ZZZ3: variants seen among roughly 807,000 people sequenced by gnomAD.
ZZZ3 encodes zinc finger ZZ-type containing 3.
A neutral mutation model predicts 95.2 loss-of-function variants in ZZZ3; 22 were observed. The ratio of observed to expected loss-of-function variants is 0.23; its 90% CI spans 0.17 to 0.33. The LOEUF (loss-of-function observed/expected upper bound fraction) is 0.33. ZZZ3 is among the 10% of genes least tolerant of loss of function. The probability of loss-of-function intolerance (pLI) is 1.00; values close to 1 mark genes in which losing one functional copy is unlikely to be tolerated. For synonymous variants in ZZZ3, 335 were observed against 358.9 expected (o/e 0.93, Z 0.75); for missense variants, 885 against 1,066.5 (o/e 0.83, Z 2.37).
rs558162602 is a variant in ZZZ3, at chr1:77,594,416, A to AT, written c.1506-9762dup. On this transcript the variant is annotated intron_variant, in intron 5 of 14. Coordinates refer to ENST00000370801, the MANE Select transcript of ZZZ3 (RefSeq NM_015534.6). ...ATGTCTTATTTTATTATATTGTGTG[A>AT]TTTTTTAAGAGGAAAGCCATTTTTC... is the stretch of plus-strand genomic sequence containing the variant. Among the ~76,000 whole-genome samples, 19 of 152,162 alleles carry AT rather than the reference A, an allele frequency of 1.2e-4. No homozygotes were observed. The South Asian group carries it at 2.9e-3, about 23-fold the overall frequency.
At chr1:77,654,931 A>G (rs1286106206) in intron 1 of ZZZ3, among the ~76,000 whole-genome samples, 1 of 152,104 alleles carries the variant, frequency 6.6e-6, no homozygotes, top group Non-Finnish European at 1.5e-5. Flanking sequence ...TTACAGGTAT[A>G]AGCCACCACA....
In ZZZ3 at chr1:77,632,987, A is replaced by C. The variant is rs776155902; in HGVS notation, c.368T>G (p.Leu123Arg). The C allele has an allele frequency of 6.2e-6, 10 of 1,613,986 alleles. No homozygotes were observed. In the Admixed American group the frequency reaches 1.7e-4, roughly 27 times the overall value. Residue 123 changes from leucine to arginine, a missense_variant, in exon 5 of 15, where the codon CTT becomes CGT. Physicochemically the swap from Leu to Arg is moderately radical, Grantham distance 102. Around this residue, in one of 5 missense-constraint regions of ZZZ3, gnomAD observed 556 missense variants for 652.9 expected, o/e 0.85. Coordinates refer to ENST00000370801, the MANE Select transcript of ZZZ3 (RefSeq NM_015534.6). ...TGAACTGTTTGGTGCTTCAGATCTA[A>C]GACAACGCTTAATTCTTTTTAAAAC... ...SPVLKRIKRC[L>R]RSEAPNSSEE...
intron 1 of ZZZ3, among the ~76,000 whole-genome samples, chr1:77,668,482 A>G (rs1671445985): frequency 6.6e-6 from 1 of 152,158 alleles, no homozygotes; most frequent in East Asian, 1.9e-4. Context: ...CTGAGCATCT[A>G]TTTTATATCA....
At chr1:77,656,158 A>G (rs1336673501) in intron 1 of ZZZ3, among the ~76,000 whole-genome samples, 2 of 152,228 alleles carry the variant, frequency 1.3e-5, no homozygotes, top group African/African-American at 4.8e-5. Flanking sequence ...TCACAACAAT[A>G]TATTTTATAG....
At chr1:77,671,217 T>C (rs1318427797) in intron 1 of ZZZ3, among the ~76,000 whole-genome samples, 1 of 152,194 alleles carries the variant, frequency 6.6e-6, no homozygotes, top group Non-Finnish European at 1.5e-5. Context: ...CATGGTTTAC[T>C]GTAACAACAG....
chr1:77,632,850 G>A lies in ZZZ3; in HGVS notation c.505C>T (p.Leu169=). The change falls in exon 5 of 15, where the codon CTG becomes TTG. Residue 169 remains leucine, a synonymous_variant. Transcript: ENST00000370801. The part of the protein sequence containing the change: ...GTKRACRCLI[L]DDCEKREIKK... Reference sequence around the variant, plus strand: ...ATTTCCCTTTTCTCACAATCATCCAGTATAAGACATCGACAAGCTCGTTTA... The same window carrying A: ...ATTTCCCTTTTCTCACAATCATCCAATATAAGACATCGACAAGCTCGTTTA... 1 of 1,614,136 alleles carries A rather than the reference G, an allele frequency of 6.2e-7. No homozygotes were observed. The highest frequency in any genetic ancestry group is 8.5e-7 in the Non-Finnish European group (1 of 1,180,024).
chr1:77,606,336 G>A (rs1665231436), intron 5 of ZZZ3, among the ~76,000 whole-genome samples: 1 of 152,150 alleles, frequency 6.6e-6, no homozygotes, highest in Non-Finnish European at 1.5e-5. Context: ...TAGAACACCA[G>A]GTAGATATCT....
At chr1:77,587,149 G>A (rs1047457079) in intron 5 of ZZZ3, among the ~76,000 whole-genome samples, 11 of 152,034 alleles carry the variant, frequency 7.2e-5, no homozygotes, top group African/African-American at 2.7e-4. Context: ...TGGTTGTGTT[G>A]CTGGGGATGG....
Position 77,562,762 on chromosome 1 carries a change from A to G in ZZZ3, c.*2878T>C, listed in dbSNP as rs1660520429. 6.6e-6 allele frequency: 1 copy of G among 152,330 alleles called. No homozygotes were observed. The highest frequency in any genetic ancestry group is 1.5e-5 in the Non-Finnish European group (1 of 68,042). 9.4% of individuals were successfully genotyped at this position (152,330 alleles called of 1,614,324 possible). A position where few individuals can be genotyped will look rare whatever the true frequency, so the allele number is the denominator to read the frequency against. On this transcript the variant is annotated 3_prime_UTR_variant, in exon 15 of 15. Transcript: ENST00000370801. ...GGTTTGTACTCTTAGGAAGCACACC[A>G]CATCAGGAAAACAGAATGTAAGGCA...
chr1:77,618,798 T>A (rs958556840), intron 5 of ZZZ3, among the ~76,000 whole-genome samples: 1 of 152,246 alleles, frequency 6.6e-6, no homozygotes, highest in Admixed American at 6.5e-5. Flanking sequence ...TTAAGTAACT[T>A]GTATAGGAAA....
At chr1:77,623,249 G>A (rs1454201736) in intron 5 of ZZZ3, among the ~76,000 whole-genome samples, 1 of 152,072 alleles carries the variant, frequency 6.6e-6, no homozygotes, top group Non-Finnish European at 1.5e-5. Flanking sequence ...AACAGTTTGG[G>A]GAAGCTGAAG....
intron 12 of ZZZ3, among the ~76,000 whole-genome samples, chr1:77,571,390 A>G (rs1661370855): frequency 1.3e-5 from 2 of 152,326 alleles, no homozygotes; most frequent in African/African-American, 4.8e-5. Flanking sequence ...GGAAAACAGT[A>G]TGGTGGTTCC....
chr1:77,634,728 G>A (rs929179169), intron 4 of ZZZ3, among the ~76,000 whole-genome samples: 1 of 152,092 alleles, frequency 6.6e-6, no homozygotes, highest in Non-Finnish European at 1.5e-5. Context: ...AAATGTAAGG[G>A]ATATAGAAAA....
In ZZZ3 at chr1:77,627,728, A is replaced by G. The variant is rs149034733; in HGVS notation, c.1505+4122T>C. On this transcript the variant is annotated intron_variant, in intron 5 of 14. Transcript: ENST00000370801. The stretch of plus-strand genomic sequence containing the variant: ...CTTAGATGAGCAATAACTATCTTAC[A>G]GGTTCATTATCTAGAAACTTAAGAA... Among the ~76,000 whole-genome samples, 851 of 152,302 alleles carry G rather than the reference A, an allele frequency of 5.6e-3. 6 individuals are homozygous for G. The highest frequency in any genetic ancestry group is 0.019 in the African/African-American group (793 of 41,582).
At chr1:77,586,727 T>C (rs1247664940) in intron 5 of ZZZ3, among the ~76,000 whole-genome samples, 2 of 152,170 alleles carry the variant, frequency 1.3e-5, no homozygotes, top group African/African-American at 4.8e-5. Context: ...CTCAAAATAA[T>C]GAAGACTCTA....
At position 77,562,590 on chromosome 1, in the gene ZZZ3, AGG is replaced by A. The variant is rs1660506040; in HGVS notation, c.*3048_*3049del. The A allele has an allele frequency of 6.6e-6, 1 of 152,204 alleles. No homozygotes were observed. Among genetic ancestry groups the A allele is most frequent in the Non-Finnish European group, 1.5e-5 (1 of 68,030 alleles). 9.4% of individuals were successfully genotyped at this position (152,204 alleles called of 1,614,324 possible). On this transcript the variant is annotated 3_prime_UTR_variant, in exon 15 of 15. Transcript: ENST00000370801. ...GTTCTGTGAATCAATTTAAACAAAA[AGG>A]GGAAGGGGGGAAAACAGACAAGGCA...
intron 1 of ZZZ3, among the ~76,000 whole-genome samples, chr1:77,681,142 C>T (rs1263953076): frequency 6.6e-6 from 1 of 152,182 alleles, no homozygotes; most frequent in African/African-American, 2.4e-5. Context: ...TTCTCCCCTT[C>T]ATTTAAGAAA....
intron 1 of ZZZ3, among the ~76,000 whole-genome samples, chr1:77,664,103 A>T (rs540583600): frequency 1.3e-5 from 2 of 151,854 alleles, no homozygotes; most frequent in Non-Finnish European, 2.9e-5. Flanking sequence ...AAAAAAACAA[A>T]CTATCTACTC....
At chr1:77,614,850 A>G (rs1281172507) in intron 5 of ZZZ3, 1 of 152,242 alleles carries the variant, frequency 6.6e-6, no homozygotes, top group African/African-American at 2.4e-5. Context: ...AATGAAGAAA[A>G]TATAAATAGA....
Sources: gnomAD v4.1 joint callset for allele counts (sites outside exome capture counted in the v4.1 genomes callset) on GRCh38, gnomAD v4.1.1 for gene constraint, gnomAD v4.1.1 regional missense constraint, MANE v1.5 for transcripts, NCBI Gene and HGNC (gene_info 2026-07-23, HGNC 2026-07-21) for gene names.